DMD: variants seen among roughly 807,000 people sequenced by gnomAD.
The protein encoded by DMD is mutant dystrophin.
DMD carries 63 observed loss-of-function variants against 330.1 expected under a neutral mutation model. The observed-to-expected ratio is 0.19, with a 90% confidence interval of 0.16 to 0.24. DMD has a LOEUF of 0.24. Among genes scored for constraint, DMD ranks in the 10% least tolerant of loss-of-function variants. The pLI is 1.00. For missense variants in DMD, 3,344 were observed against 2,684.1 expected (o/e 1.25, Z -5.43); for synonymous variants, 1,223 against 959.8 (o/e 1.27, Z -5.07).
At chrX:31,499,223 A>T (rs1304628920) in intron 56 of DMD, among the ~76,000 whole-genome samples, 1 of 111,710 alleles carries the variant, frequency 9.0e-6, no homozygotes, top group African/African-American at 3.3e-5. Flanking sequence ...GAGGAAGGGA[A>T]GAGAGAATAT....
intron 67 of DMD, among the ~76,000 whole-genome samples, chrX:31,195,894 C>G (rs111751900): frequency 6.8e-4 from 75 of 111,106 alleles, no homozygotes; most frequent in African/African-American, 2.4e-3. Context: ...AAGATTTGGT[C>G]ATAACAATGA....
intron 44 of DMD, among the ~76,000 whole-genome samples, chrX:32,171,709 TATG>T (rs1288186811): frequency 1.8e-5 from 2 of 111,867 alleles, no homozygotes; most frequent in Non-Finnish European, 3.8e-5. Context: ...GTTATTATAT[TATG>T]ATAATTTGCA....
intron 44 of DMD, among the ~76,000 whole-genome samples, chrX:32,201,475 C>A (rs1256736218): frequency 2.1e-5 from 2 of 93,452 alleles, no homozygotes; most frequent in African/African-American, 7.6e-5. Context: ...AAACACCCCC[C>A]CCCCCCCCAA....
In DMD at chrX:32,365,261, T is replaced by G; in HGVS notation, c.4846-62A>C. 2.7e-6 allele frequency: 3 copies of G among 1,099,536 alleles called. No homozygotes were observed. The South Asian group carries it at 5.6e-5, about 21-fold the overall frequency. The allele number at this position is 1,099,536 out of a possible 1,213,427, so 90.6% of individuals were successfully genotyped here. On this transcript the variant is annotated intron_variant, in intron 34 of 78. Coordinates refer to ENST00000357033, the MANE Select transcript of DMD (RefSeq NM_004006.3). ...TTGTAGTCTTAAGATTTAATGCTTATGAAACGGCTTTCTGTATGGTTACTA... is the reference window on the plus strand; with the variant it reads ...TTGTAGTCTTAAGATTTAATGCTTAGGAAACGGCTTTCTGTATGGTTACTA...
intron 59 of DMD, among the ~76,000 whole-genome samples, chrX:31,447,443 A>T (rs139144850): frequency 0.014 from 1,580 of 109,177 alleles, 36 homozygotes; most frequent in African/African-American, 0.05. Flanking sequence ...GTATGTGTGG[A>T]CCTTCTGCTC....
intron 74 of DMD, among the ~76,000 whole-genome samples, chrX:31,160,778 T>G (rs1465649667): frequency 8.9e-6 from 1 of 111,823 alleles, no homozygotes; most frequent in East Asian, 2.8e-4. Flanking sequence ...ACAGTGACCT[T>G]TATCCTTGGA....
At chrX:32,450,900 A>G (rs1403266670) in intron 26 of DMD, among the ~76,000 whole-genome samples, 2 of 111,270 alleles carry the variant, frequency 1.8e-5, no homozygotes, top group South Asian at 3.7e-4. Context: ...AAAGGTTCGA[A>G]GAACAAACAG....
intron 55 of DMD, among the ~76,000 whole-genome samples, chrX:31,622,013 T>C: frequency 9.0e-6 from 1 of 111,723 alleles, no homozygotes; most frequent in Non-Finnish European, 1.9e-5. Context: ...TTGGTATCTA[T>C]TGTGGGCAGA....
At chrX:31,763,512 G>A (rs747702551) in intron 51 of DMD, among the ~76,000 whole-genome samples, 1 of 111,908 alleles carries the variant, frequency 8.9e-6, no homozygotes, top group Non-Finnish European at 1.9e-5. Flanking sequence ...GCAGTGAGCC[G>A]AGATCGTGCC....
intron 19 of DMD, among the ~76,000 whole-genome samples, chrX:32,493,554 T>C (rs1349889094): frequency 9.0e-6 from 1 of 111,403 alleles, no homozygotes; most frequent in Non-Finnish European, 1.9e-5. Flanking sequence ...TTTTGAGGAG[T>C]GATCAAAAAT....
chrX:31,372,292 T>C (rs1383115004), intron 60 of DMD, among the ~76,000 whole-genome samples: 1 of 111,915 alleles, frequency 8.9e-6, no homozygotes, highest in Admixed American at 9.5e-5. Context: ...ATTTTAGGCA[T>C]AGAGTACAAG....
intron 11 of DMD, among the ~76,000 whole-genome samples, chrX:32,625,268 T>C (rs1385201914): frequency 1.8e-5 from 2 of 112,325 alleles, no homozygotes; most frequent in African/African-American, 6.5e-5. Context: ...GTGTGCACTA[T>C]AGGTATACAT....
intron 44 of DMD, among the ~76,000 whole-genome samples, chrX:32,138,960 C>T (rs1356369967): frequency 2.7e-5 from 3 of 112,309 alleles, no homozygotes; most frequent in Admixed American, 1.9e-4. Context: ...ACTTAGTAAA[C>T]GACTAACTTA....
At chrX:32,752,084 G>C (rs917511152) in intron 7 of DMD, among the ~76,000 whole-genome samples, 1 of 112,149 alleles carries the variant, frequency 8.9e-6, no homozygotes, top group Admixed American at 9.4e-5. Context: ...GAAAAATGTG[G>C]GGTTAGAGCC....
chrX:33,203,365 C>G (rs188462910), intron 1 of DMD, among the ~76,000 whole-genome samples: 4 of 111,237 alleles, frequency 3.6e-5, no homozygotes, highest in African/African-American at 1.3e-4. Flanking sequence ...ATGGGGTTTC[C>G]GAAGAAGGTA....
At chrX:31,464,574 C>T (rs1421269482) in intron 59 of DMD, among the ~76,000 whole-genome samples, 1 of 112,234 alleles carries the variant, frequency 8.9e-6, no homozygotes, top group East Asian at 2.8e-4. Context: ...CAACTCATTT[C>T]CTCCCACCCA....
intron 9 of DMD, among the ~76,000 whole-genome samples, chrX:32,672,744 A>C (rs1366041132): frequency 9.0e-6 from 1 of 111,060 alleles, no homozygotes; most frequent in East Asian, 2.8e-4. Context: ...AAGCAAAGAA[A>C]AAAATGTTAC....
chrX:31,580,103 C>T (rs984675846), intron 55 of DMD, among the ~76,000 whole-genome samples: 2 of 111,681 alleles, frequency 1.8e-5, no homozygotes, highest in African/African-American at 6.5e-5. Flanking sequence ...TCCATAAAAT[C>T]TCCCCATCTC....
intron 78 of DMD, among the ~76,000 whole-genome samples, chrX:31,126,161 T>C (rs1008683128): frequency 2.7e-5 from 3 of 111,108 alleles, no homozygotes; most frequent in African/African-American, 9.9e-5. Flanking sequence ...TTCGCTAAAA[T>C]GGGAGAGAAA....
Sources: gnomAD v4.1 joint callset for allele counts (sites outside exome capture counted in the v4.1 genomes callset) on GRCh38, gnomAD v4.1.1 for gene constraint, MANE v1.5 for transcripts, NCBI Gene and HGNC (gene_info 2026-07-23, HGNC 2026-07-21) for gene names.